CARM1: variants seen among roughly 807,000 people sequenced by gnomAD.
CARM1 encodes histone-arginine methyltransferase CARM1.
CARM1 carries 14 observed loss-of-function variants against 72.7 expected under a neutral mutation model. The observed-to-expected ratio is 0.19, with a 90% CI of 0.13 to 0.30. CARM1 has a LOEUF of 0.30. CARM1 is among the 10% of genes least tolerant of loss of function. The pLI is 1.00. For synonymous variants in CARM1, 333 were observed against 345.5 expected (o/e 0.96, Z 0.40); for missense variants, 432 against 833.7 (o/e 0.52, Z 5.93).
Position 10,916,578 on chromosome 19 carries a change from C to T in CARM1, c.938+81C>T, listed in dbSNP as rs1345650434. ...GCCCCAGCTCCCCAGAGAGCCTGCA[C>T]TCCTCTTTTTCTGAAAGACTTGGGC... is the stretch of plus-strand genomic sequence containing the variant. On this transcript the variant is annotated intron_variant, in intron 7 of 15. Transcript: ENST00000327064. The surrounding 1 kb of genome is among the most constrained non-coding windows in gnomAD (Gnocchi z 4.4). 6 of 1,408,656 alleles carry T rather than the reference C, an allele frequency of 4.3e-6. No individual in the cohort carries two copies. The highest frequency in any genetic ancestry group is 1.4e-5 in the African/African-American group (1 of 70,912). 87.3% of individuals were successfully genotyped at this position (1,408,656 alleles called of 1,614,324 possible).
At position 10,904,987 on chromosome 19, in the gene CARM1, G is replaced by A. The variant is rs373397887; in HGVS notation, c.257G>A (p.Arg86Gln). 5.0e-6 allele frequency: 8 copies of A among 1,614,208 alleles called. No homozygotes were observed. The highest frequency in any genetic ancestry group is 1.7e-5 in the Admixed American group (1 of 60,028). ...DVCVFKCSVS[R>Q]ETECSRVGKQ... is the part of the protein sequence containing the mutation. ...TGTGTCTTTAAGTGCTCAGTGTCCC[G>A]AGAGACAGAGTGCAGCCGTGTGGGC... The change falls in exon 2 of 16, where the codon CGA becomes CAA. Residue 86 changes from arginine (R) to glutamine (Q), a missense_variant. Arg to Gln is a conservative substitution (Grantham distance 43). This residue lies in a region of CARM1 where 138 missense variants were observed against 192.3 expected (regional missense o/e 0.72). Transcript: ENST00000327064.
In CARM1 at chr19:10,912,633, A is replaced by T. The variant is rs558390276; in HGVS notation, c.669+339A>T. On this transcript the variant is annotated intron_variant, in intron 5 of 15. Transcript: ENST00000327064. This position sits in a 1 kb window ranked among gnomAD's most constrained non-coding sequence, Gnocchi z 4.5. The stretch of plus-strand genomic sequence containing the variant: ...CCCAGCTCCCACCCCCAGCCCCATC[A>T]TGAGAGAGGAGCTACGGCCACAAAG... Among the ~76,000 whole-genome samples the T allele has an allele frequency of 2.4e-4, 36 of 150,582 alleles. No homozygotes were observed. Among genetic ancestry groups the T allele is most frequent in the Non-Finnish European group, 5.0e-4 (34 of 67,694 alleles).
At chr19:10,890,269 G>GTT (rs200303370) in intron 1 of CARM1, among the ~76,000 whole-genome samples, 9 of 136,164 alleles carry the variant, frequency 6.6e-5, no homozygotes, top group Non-Finnish European at 9.6e-5. Context: ...TGTTTTGTTT[G>GTT]TTTTTTTTTT....
chr19:10,896,742 G>T lies in CARM1; in HGVS notation c.221-8209G>T, dbSNP rs2074026706. On this transcript the variant is annotated intron_variant, in intron 1 of 15. Transcript: ENST00000327064. This position sits in a 1 kb window ranked among gnomAD's most constrained non-coding sequence, Gnocchi z 5.2. ...CTGTCCCCAGTCTCCTTCCCAGGCT[G>T]GGTCAGGTGCCACCTCCAGGCACCT... 6.6e-6 allele frequency among the ~76,000 whole-genome samples: 1 copy of T among 152,180 alleles called. No individual in the cohort carries two copies. Among genetic ancestry groups the T allele is most frequent in the African/African-American group, 2.4e-5 (1 of 41,446 alleles).
rs1374309221 is a variant in CARM1, at chr19:10,871,666, A to AGCG, written c.-23_-21dup. On this transcript the variant is annotated 5_prime_UTR_variant, in exon 1 of 16. Coordinates refer to ENST00000327064, the MANE Select transcript of CARM1 (RefSeq NM_199141.2). This position sits in a 1 kb window ranked among gnomAD's most constrained non-coding sequence, Gnocchi z 5.6. ...GCGGCGGCGGCCTGGGCCCGGGCGC[A>AGCG]GCGGCGGCGGCGGCGGGGCCTGGAG... is the stretch of plus-strand genomic sequence containing the variant. 23 of 445,018 alleles carry AGCG rather than the reference A, an allele frequency of 5.2e-5. No homozygotes were observed. The East Asian group carries it at 3.5e-3, about 68-fold the overall frequency. 27.6% of individuals were successfully genotyped at this position (445,018 alleles called of 1,614,324 possible).
intron 1 of CARM1, among the ~76,000 whole-genome samples, chr19:10,892,278 C>T (rs990232314): frequency 1.3e-5 from 2 of 152,196 alleles, no homozygotes; most frequent in African/African-American, 2.4e-5. Flanking sequence ...ATTTCTGGGC[C>T]GGAAGTTTTT....
At chr19:10,874,171 G>A (rs2073844737) in intron 1 of CARM1, among the ~76,000 whole-genome samples, 1 of 151,920 alleles carries the variant, frequency 6.6e-6, no homozygotes, top group Admixed American at 6.6e-5. Flanking sequence ...TGCCCAGGCT[G>A]GTCTCCAACT....
chr19:10,889,029 A>G (rs1176707561), intron 1 of CARM1, among the ~76,000 whole-genome samples: 1 of 152,150 alleles, frequency 6.6e-6, no homozygotes, highest in African/African-American at 2.4e-5. Context: ...TGACTGAAGA[A>G]GCTTCACAGT....
At chr19:10,892,557 G>T (rs1049588352) in intron 1 of CARM1, among the ~76,000 whole-genome samples, 3 of 152,176 alleles carry the variant, frequency 2.0e-5, no homozygotes, top group Non-Finnish European at 4.4e-5. Flanking sequence ...GGCCAGGCCG[G>T]GTTAGGGTTC....
chr19:10,872,261 A>T (rs1180121281), intron 1 of CARM1, among the ~76,000 whole-genome samples: 4 of 144,796 alleles, frequency 2.8e-5, no homozygotes, highest in Non-Finnish European at 6.1e-5. Context: ...TGGTGGGCTT[A>T]AGCGTGGGGG....
intron 1 of CARM1, among the ~76,000 whole-genome samples, chr19:10,889,219 C>T (rs1213926280): frequency 6.6e-6 from 1 of 152,180 alleles, no homozygotes; most frequent in Non-Finnish European, 1.5e-5. Flanking sequence ...ACCTGAGATG[C>T]CAACAGGACA....
intron 1 of CARM1, among the ~76,000 whole-genome samples, chr19:10,888,317 TG>T (rs2073956146): frequency 6.6e-6 from 1 of 152,150 alleles, no homozygotes. Context: ...ACCTCCCAGC[TG>T]GCTCTCTGGA....
intron 1 of CARM1, among the ~76,000 whole-genome samples, chr19:10,890,795 A>ATATATTT (rs1217665879): frequency 1.7e-4 from 8 of 47,466 alleles, no homozygotes; most frequent in African/African-American, 2.2e-4. Context: ...ATATATATAT[A>ATATATTT]TTTTTTTTTT....
chr19:10,912,379 C>T lies in CARM1; in HGVS notation c.669+85C>T. 1 of 983,856 alleles carries T rather than the reference C, an allele frequency of 1.0e-6. No individual in the cohort carries two copies. The highest frequency in any genetic ancestry group is 1.6e-6 in the Non-Finnish European group (1 of 616,198). The allele number at this position is 983,856 out of a possible 1,614,324, so 60.9% of individuals were successfully genotyped here. A position where few individuals can be genotyped will look rare whatever the true frequency, so the allele number is the denominator to read the frequency against. On this transcript the variant is annotated intron_variant, in intron 5 of 15. Coordinates refer to ENST00000327064, the MANE Select transcript of CARM1 (RefSeq NM_199141.2). This position sits in a 1 kb window ranked among gnomAD's most constrained non-coding sequence, Gnocchi z 4.5. Reference sequence around the variant, plus strand: ...CCAGCCTAGAGAAGCTTGGGAACCCCCAGGGGCCTGGGGACATTACTTCTG... The same window carrying T: ...CCAGCCTAGAGAAGCTTGGGAACCCTCAGGGGCCTGGGGACATTACTTCTG...
rs541955308 is a variant in CARM1 at position 10,920,888 on chromosome 19, G to T, written c.1479G>T (p.Ser493=). ...PPPGSHYTSP[S]ENMWNTGSTY... ...CCGGCTCCCACTACACATCTCCCTC[G>T]GAAAACATGTGGAACACGGGCAGCA... The change falls in exon 13 of 16, where the codon TCG becomes TCT. Residue 493 remains serine (S), a synonymous_variant. Coordinates refer to ENST00000327064, the MANE Select transcript of CARM1 (RefSeq NM_199141.2). This position sits in a 1 kb window ranked among gnomAD's most constrained non-coding sequence, Gnocchi z 5.3. 4.3e-6 allele frequency: 7 copies of T among 1,614,214 alleles called. No individual in the cohort carries two copies. The highest frequency in any genetic ancestry group is 2.7e-5 in the African/African-American group (2 of 75,058).
chr19:10,905,714 C>T (rs1170625171), intron 2 of CARM1, among the ~76,000 whole-genome samples: 1 of 151,948 alleles, frequency 6.6e-6, no homozygotes, highest in African/African-American at 2.4e-5. Context: ...GAGCCACTGC[C>T]GGCCTCCCCC....
intron 5 of CARM1, among the ~76,000 whole-genome samples, chr19:10,913,466 A>G (rs905905887): frequency 6.6e-6 from 1 of 151,544 alleles, no homozygotes; most frequent in African/African-American, 2.4e-5. Flanking sequence ...AGAACCCGGG[A>G]GGCAGAGGTT....
rs948039862 is a variant in CARM1 at position 10,896,443 on chromosome 19, C to G, written c.221-8508C>G. Among the ~76,000 whole-genome samples, 2 of 152,064 alleles carry G rather than the reference C, an allele frequency of 1.3e-5. No homozygotes were observed. Among genetic ancestry groups the G allele is most frequent in the African/African-American group, 2.4e-5 (1 of 41,402 alleles). Reference sequence around the variant, plus strand: ...CCAAGAGCTGCCCTCTTCCCCATCCCCATTGCCTCCTGCCTGGCCAGCCAT... The same window carrying G: ...CCAAGAGCTGCCCTCTTCCCCATCCGCATTGCCTCCTGCCTGGCCAGCCAT... On this transcript the variant is annotated intron_variant, in intron 1 of 15. Transcript: ENST00000327064. The surrounding 1 kb of genome is among the most constrained non-coding windows in gnomAD (Gnocchi z 5.2).
At chr19:10,897,487 C>A (rs2074032699) in intron 1 of CARM1, among the ~76,000 whole-genome samples, 1 of 152,146 alleles carries the variant, frequency 6.6e-6, no homozygotes, top group Non-Finnish European at 1.5e-5. Context: ...TTTTTCTACC[C>A]CCTTCCCTGC....
Sources: allele counts gnomAD v4.1 joint callset (sites outside exome capture counted in the v4.1 genomes callset), GRCh38; gene constraint gnomAD v4.1.1; regional missense constraint gnomAD v4.1.1; non-coding constraint Gnocchi (gnomAD v3.1); transcripts MANE v1.5; gene names NCBI Gene and HGNC (gene_info 2026-07-23, HGNC 2026-07-21).